CTNNA3: variants seen among roughly 807,000 people sequenced by gnomAD.
CTNNA3 encodes catenin alpha 3.
Under a neutral mutation model 95.7 loss-of-function variants are expected in CTNNA3, and 76 were observed. That is an observed-to-expected ratio of 0.79 (90% CI 0.66 to 0.96). The LOEUF (loss-of-function observed/expected upper bound fraction) is 0.96. Among genes scored for constraint, CTNNA3 ranks in the 40% least tolerant of loss-of-function variants. CTNNA3 has a pLI of 0.00. For synonymous variants in CTNNA3, 431 were observed against 374.4 expected (o/e 1.15, Z -1.74); for missense variants, 1,191 against 1,089.8 (o/e 1.09, Z -1.31).
intron 7 of CTNNA3, among the ~76,000 whole-genome samples, chr10:67,169,023 C>A (rs1861900462): frequency 6.6e-6 from 1 of 152,048 alleles, no homozygotes; most frequent in Non-Finnish European, 1.5e-5. Context: ...ATCATAAAGG[C>A]AATCTGATTC....
At chr10:66,230,051 T>G (rs2089512782) in intron 13 of CTNNA3, among the ~76,000 whole-genome samples, 1 of 152,136 alleles carries the variant, frequency 6.6e-6, no homozygotes, top group African/African-American at 2.4e-5. Flanking sequence ...CTTATTGAAT[T>G]TTTCAATTTC....
intron 9 of CTNNA3, among the ~76,000 whole-genome samples, chr10:66,711,604 A>G (rs528561185): frequency 4.7e-4 from 72 of 152,028 alleles, no homozygotes; most frequent in African/African-American, 1.6e-3. Context: ...GCTGGAGTGC[A>G]ATGGCGTGAT....
At chr10:67,031,997 G>A (rs894623147) in intron 7 of CTNNA3, among the ~76,000 whole-genome samples, 2 of 152,040 alleles carry the variant, frequency 1.3e-5, no homozygotes, top group East Asian at 1.9e-4. Context: ...ACAAAAACAC[G>A]GTGTATATAA....
At chr10:66,819,322 C>A (rs1484274676) in intron 7 of CTNNA3, among the ~76,000 whole-genome samples, 1 of 151,940 alleles carries the variant, frequency 6.6e-6, no homozygotes, top group East Asian at 1.9e-4. Context: ...TATCTTACCC[C>A]ATATACAAAA....
chr10:67,430,992 A>G (rs1156446453), intron 5 of CTNNA3, among the ~76,000 whole-genome samples: 1 of 151,980 alleles, frequency 6.6e-6, no homozygotes, highest in Non-Finnish European at 1.5e-5. Flanking sequence ...GAGTTTGTTT[A>G]TAATTGAAAC....
At chr10:67,271,683 G>A (rs1252378561) in intron 5 of CTNNA3, among the ~76,000 whole-genome samples, 1 of 152,070 alleles carries the variant, frequency 6.6e-6, no homozygotes, top group Non-Finnish European at 1.5e-5. Flanking sequence ...CAACCACATA[G>A]GATATAAACT....
At chr10:66,394,883 T>C (rs72804779) in intron 11 of CTNNA3, among the ~76,000 whole-genome samples, 2 of 151,970 alleles carry the variant, frequency 1.3e-5, no homozygotes, top group Non-Finnish European at 2.9e-5. Context: ...ATATGACACA[T>C]ATAGCAGAAA....
chr10:66,851,792 G>A (rs1843508166), intron 7 of CTNNA3, among the ~76,000 whole-genome samples: 1 of 152,104 alleles, frequency 6.6e-6, no homozygotes, highest in Admixed American at 6.6e-5. Context: ...AGAACTATGA[G>A]CCAGTTAAAC....
At chr10:67,612,268 G>T (rs1843483290) in intron 2 of CTNNA3, among the ~76,000 whole-genome samples, 1 of 152,020 alleles carries the variant, frequency 6.6e-6, no homozygotes, top group Non-Finnish European at 1.5e-5. Flanking sequence ...CTCCAATATG[G>T]CAATAAGAGA....
intron 5 of CTNNA3, among the ~76,000 whole-genome samples, chr10:67,426,001 TG>T (rs1193990443): frequency 6.6e-6 from 1 of 152,050 alleles, no homozygotes; most frequent in Admixed American, 6.6e-5. Context: ...CATAGCCCTA[TG>T]GGGTGTCACA....
chr10:66,082,396 A>G (rs950778608), intron 14 of CTNNA3, among the ~76,000 whole-genome samples: 1 of 152,198 alleles, frequency 6.6e-6, no homozygotes, highest in African/African-American at 2.4e-5. Flanking sequence ...GAGATTCTAT[A>G]AAATACTTCA....
chr10:66,692,495 C>T (rs534760085), intron 9 of CTNNA3, among the ~76,000 whole-genome samples: 235 of 152,148 alleles, frequency 1.5e-3, no homozygotes, highest in African/African-American at 5.4e-3. Flanking sequence ...ATTGGTGTAC[C>T]TGAAAGTGAC....
At chr10:66,140,575 T>G (rs1209575818) in intron 13 of CTNNA3, among the ~76,000 whole-genome samples, 1 of 152,200 alleles carries the variant, frequency 6.6e-6, no homozygotes, top group Non-Finnish European at 1.5e-5. Context: ...TGTCTTTATG[T>G]ATTTGTTCTC....
chr10:67,606,971 C>G lies in CTNNA3; in HGVS notation c.178G>C (p.Ala60Pro). 1 of 1,614,082 alleles carries G rather than the reference C, an allele frequency of 6.2e-7. No homozygotes were observed. Among genetic ancestry groups the G allele is most frequent in the Non-Finnish European group, 8.5e-7 (1 of 1,179,938 alleles). Residue 60 changes from alanine (A) to proline (P), a missense_variant, in exon 3 of 18, where the codon GCT (alanine) becomes CCT (proline). Transcript: ENST00000433211. Reference protein sequence around the residue: ...GRSKRASVLLASVEEATWNLL... With the variant: ...GRSKRASVLLPSVEEATWNLL... Reference sequence around the variant, plus strand: ...TTCCAAGTTGCTTCCTCCACAGAAGCTAGAAGGACACTGGCTCTTTTCGAA... The same window carrying G: ...TTCCAAGTTGCTTCCTCCACAGAAGGTAGAAGGACACTGGCTCTTTTCGAA...
At chr10:66,461,207 T>C (rs1039630302) in intron 11 of CTNNA3, among the ~76,000 whole-genome samples, 5 of 152,006 alleles carry the variant, frequency 3.3e-5, no homozygotes, top group African/African-American at 9.7e-5. Context: ...GGAAACATTT[T>C]TGGAGGGTAT....
chr10:67,125,833 T>G (rs1859698754), intron 7 of CTNNA3, among the ~76,000 whole-genome samples: 1 of 152,212 alleles, frequency 6.6e-6, no homozygotes, highest in Non-Finnish European at 1.5e-5. Context: ...TTTAAAGGTA[T>G]GTCTTGTCAT....
chr10:66,185,908 ATC>A (rs527954189), intron 13 of CTNNA3, among the ~76,000 whole-genome samples: 1 of 151,916 alleles, frequency 6.6e-6, no homozygotes, highest in Non-Finnish European at 1.5e-5. Context: ...ATACACAAAC[ATC>A]TCTCTCTCAT....
intron 1 of CTNNA3, among the ~76,000 whole-genome samples, chr10:67,737,477 G>T (rs1222054102): frequency 6.6e-6 from 1 of 151,910 alleles, no homozygotes; most frequent in Non-Finnish European, 1.5e-5. Flanking sequence ...AAAATTACCA[G>T]AAGGAAAGAA....
At chr10:67,514,393 G>A (rs1261436060) in intron 5 of CTNNA3, among the ~76,000 whole-genome samples, 2 of 152,144 alleles carry the variant, frequency 1.3e-5, no homozygotes, top group Admixed American at 6.6e-5. Flanking sequence ...CATAGCCTCT[G>A]TAATTTGCAT....
Sources: gnomAD v4.1 joint callset for allele counts (sites outside exome capture counted in the v4.1 genomes callset) on GRCh38, gnomAD v4.1.1 for gene constraint, MANE v1.5 for transcripts, NCBI Gene and HGNC (gene_info 2026-07-23, HGNC 2026-07-21) for gene names.